The following SEC63 variants were observed in gnomAD, a reference collection of about 807,000 sequenced individuals.
The protein encoded by SEC63 is SEC63 protein translocation regulator.
SEC63 carries 56 observed loss-of-function variants against 116.2 expected under a neutral mutation model. That is an observed-to-expected ratio of 0.48 (90% CI 0.39 to 0.60). The LOEUF (loss-of-function observed/expected upper bound fraction) is 0.60. Ranked by LOEUF, SEC63 falls within the 20% of genes least tolerant of loss-of-function variation. The pLI is 0.00. For synonymous variants in SEC63, 273 were observed against 294.6 expected (o/e 0.93, Z 0.75); for missense variants, 668 against 900.0 (o/e 0.74, Z 3.30).
At chr6:107,896,695 C>A (rs776959892) in intron 14 of SEC63, among the ~76,000 whole-genome samples, 9 of 151,960 alleles carry the variant, frequency 5.9e-5, no homozygotes, top group African/African-American at 2.2e-4. Context: ...ATGAGAGAGA[C>A]GGGCTGAGTG....
intron 18 of SEC63, among the ~76,000 whole-genome samples, chr6:107,880,126 G>A (rs924719580): frequency 6.6e-6 from 1 of 152,188 alleles, no homozygotes; most frequent in Non-Finnish European, 1.5e-5. Context: ...CTCAGGACAT[G>A]CCAGAAGATC....
chr6:107,897,821 T>C (rs1221080556), intron 13 of SEC63, 90 bp from the exon 14 acceptor site: 1 of 849,478 alleles, frequency 1.2e-6, no homozygotes, highest in Non-Finnish European at 2.0e-6. Flanking sequence ...CCAAATTAGT[T>C]TGGCACTTTA....
chr6:107,871,772 G>C lies in SEC63; in HGVS notation c.2215C>G (p.Gln739Glu), dbSNP rs1562310485. Reference protein sequence around the residue: ...WDTAIEGDEDQEDSEGFEDSF... With the variant: ...WDTAIEGDEDEEDSEGFEDSF... ...TCTTCAAAGCCCTCACTGTCCTCCT[G>C]GTCTTCATCCCCCTCTATTGCTGTA... Residue 739 changes from glutamine (Q) to glutamate (E), a missense_variant, in exon 21 of 21, where the codon CAG becomes GAG. This residue lies in a region of SEC63 where 85 missense variants were observed against 116.3 expected (regional missense o/e 0.73). Coordinates refer to ENST00000369002, the MANE Select transcript of SEC63 (RefSeq NM_007214.5). 6.2e-7 allele frequency: 1 copy of C among 1,613,426 alleles called. No homozygotes were observed. Among genetic ancestry groups the C allele is most frequent in the Non-Finnish European group, 8.5e-7 (1 of 1,179,688 alleles).
At chr6:107,881,684 A>G (rs1462007101) in intron 17 of SEC63, among the ~76,000 whole-genome samples, 1 of 152,176 alleles carries the variant, frequency 6.6e-6, no homozygotes, top group Non-Finnish European at 1.5e-5. Flanking sequence ...AAAGCCTCCC[A>G]TAAATTTCCT....
chr6:107,935,904 T>C (rs924918811), intron 1 of SEC63, among the ~76,000 whole-genome samples: 1 of 152,230 alleles, frequency 6.6e-6, no homozygotes, highest in Non-Finnish European at 1.5e-5. Flanking sequence ...AAAACCCAAA[T>C]GGAGTCAGAC....
intron 1 of SEC63, 182 bp downstream of exon 1, chr6:107,957,704 A>T: frequency 2.2e-6 from 1 of 464,412 alleles, no homozygotes; most frequent in Non-Finnish European, 3.4e-6. Context: ...GAGGTGGAGA[A>T]GCGCCGAGGG....
chr6:107,904,127 A>C (rs887827143), intron 11 of SEC63, among the ~76,000 whole-genome samples: 6 of 147,114 alleles, frequency 4.1e-5, no homozygotes, highest in African/African-American at 1.5e-4. Context: ...CCAAAAAAAA[A>C]AAAAACAAGA....
intron 16 of SEC63, among the ~76,000 whole-genome samples, chr6:107,884,250 CA>C (rs35806948): frequency 0.75 from 83,583 of 111,690 alleles, 30,017 homozygotes; most frequent in Middle Eastern, 0.85. Flanking sequence ...GACTCTGTCT[CA>C]AAAAAAAAAA....
intron 1 of SEC63, 115 bp from the exon 2 acceptor site, chr6:107,929,629 A>G (rs1299481570): frequency 3.0e-6 from 2 of 667,668 alleles, no homozygotes; most frequent in African/African-American, 3.6e-5. Context: ...TGGAACATGA[A>G]ATTACTGCCT....
chr6:107,878,474 A>C (rs977841229), intron 18 of SEC63, among the ~76,000 whole-genome samples: 7 of 152,228 alleles, frequency 4.6e-5, no homozygotes, highest in African/African-American at 1.7e-4. Context: ...ATTATGTTAA[A>C]GATTATGCAC....
chr6:107,942,389 C>A (rs968963259), intron 1 of SEC63, among the ~76,000 whole-genome samples: 3 of 152,204 alleles, frequency 2.0e-5, no homozygotes, highest in African/African-American at 7.2e-5. Flanking sequence ...ACAGTGTTCA[C>A]CCCTCCTCTT....
intron 16 of SEC63, among the ~76,000 whole-genome samples, chr6:107,889,614 T>C (rs1334273385): frequency 1.3e-5 from 2 of 152,156 alleles, no homozygotes; most frequent in East Asian, 3.9e-4. Flanking sequence ...AGTTATTTCT[T>C]GTCTTCTGCT....
At chr6:107,935,822 AAC>A (rs1385517029) in intron 1 of SEC63, among the ~76,000 whole-genome samples, 1 of 152,184 alleles carries the variant, frequency 6.6e-6, no homozygotes, top group Non-Finnish European at 1.5e-5. Context: ...AAAATAAAGA[AAC>A]ACATCAATTA....
intron 1 of SEC63, among the ~76,000 whole-genome samples, chr6:107,946,297 ATC>A (rs1274255559): frequency 1.3e-5 from 2 of 151,150 alleles, no homozygotes; most frequent in East Asian, 3.9e-4. Flanking sequence ...CAGTGGCACA[ATC>A]TCTGCTCACT....
intron 19 of SEC63, among the ~76,000 whole-genome samples, chr6:107,875,671 G>A (rs1373863946): frequency 1.3e-5 from 2 of 152,142 alleles, no homozygotes; most frequent in East Asian, 1.9e-4. Context: ...CTGCACTCCA[G>A]CCTGGGTGAC....
chr6:107,950,843 G>C (rs1320205634), intron 1 of SEC63, among the ~76,000 whole-genome samples: 5 of 152,092 alleles, frequency 3.3e-5, no homozygotes, highest in African/African-American at 9.7e-5. Context: ...CAATTCAAAA[G>C]GAATTCTTTC....
At chr6:107,922,869 A>G (rs974948399) in intron 3 of SEC63, among the ~76,000 whole-genome samples, 2 of 152,178 alleles carry the variant, frequency 1.3e-5, no homozygotes, top group South Asian at 4.1e-4. Flanking sequence ...TCTACTGAGC[A>G]AAGACTCAAA....
intron 10 of SEC63, among the ~76,000 whole-genome samples, chr6:107,905,524 G>A (rs1249079642): frequency 6.6e-6 from 1 of 152,080 alleles, no homozygotes; most frequent in African/African-American, 2.4e-5. Flanking sequence ...AAATAATGTC[G>A]GTGAAAAAGA....
chr6:107,906,819 A>C, intron 8 of SEC63, 42 bp from the exon 9 acceptor site: 1 of 1,375,394 alleles, frequency 7.3e-7, no homozygotes, highest in African/African-American at 1.4e-5. Flanking sequence ...AAATATGCTC[A>C]TTCATTAATT....
Sources: gnomAD v4.1 joint callset for allele counts (sites outside exome capture counted in the v4.1 genomes callset) on GRCh38, gnomAD v4.1.1 for gene constraint, gnomAD v4.1.1 regional missense constraint, MANE v1.5 for transcripts, NCBI Gene and HGNC (gene_info 2026-07-23, HGNC 2026-07-21) for gene names.